The following LRRC4C variants were observed in gnomAD, a reference collection of about 807,000 sequenced individuals.
LRRC4C encodes leucine-rich repeat-containing protein 4C.
LRRC4C carries 5 observed loss-of-function variants against 33.6 expected under a neutral mutation model. That is an observed-to-expected ratio of 0.15 (90% confidence interval 0.08 to 0.31). The LOEUF (loss-of-function observed/expected upper bound fraction) is 0.31, where lower values mean the gene tolerates loss of function less well. Ranked by LOEUF, LRRC4C falls within the 10% of genes least tolerant of loss-of-function variation. The probability of loss-of-function intolerance (pLI) is 1.00; values close to 1 mark genes in which losing one functional copy is unlikely to be tolerated. For synonymous variants in LRRC4C, 329 were observed against 302.0 expected, an observed-to-expected ratio of 1.09 and a Z score of -0.93; for missense variants, 560 against 796.7, an observed-to-expected ratio of 0.70 and a Z score of 3.58.
chr11:40,637,250 T>A (rs1436140514), intron 3 of LRRC4C, among the ~76,000 whole-genome samples: 3 of 152,112 alleles, frequency 2.0e-5, no homozygotes, highest in African/African-American at 7.2e-5. Flanking sequence ...TAAAAAAAAA[T>A]TACCCCCTCC....
At chr11:40,674,575 A>G (rs2136291863) in intron 2 of LRRC4C, among the ~76,000 whole-genome samples, 1 of 152,236 alleles carries the variant, frequency 6.6e-6, no homozygotes, top group South Asian at 2.1e-4. Context: ...GCACGTGGAG[A>G]TGCTTTGTAA....
At chr11:41,377,633 T>C (rs545020356) in intron 1 of LRRC4C, among the ~76,000 whole-genome samples, 4 of 152,220 alleles carry the variant, frequency 2.6e-5, no homozygotes, top group Non-Finnish European at 5.9e-5. Flanking sequence ...AGTGTTATTA[T>C]GCAGAATTTC....
chr11:40,919,628 A>G (rs1957094743), intron 2 of LRRC4C, among the ~76,000 whole-genome samples: 5 of 152,034 alleles, frequency 3.3e-5, no homozygotes, highest in African/African-American at 1.2e-4. Flanking sequence ...AATTTGTAAG[A>G]TCTGTAAGTT....
chr11:40,845,418 T>A (rs4465359), intron 2 of LRRC4C, among the ~76,000 whole-genome samples: 1 of 152,082 alleles, frequency 6.6e-6, no homozygotes, highest in Non-Finnish European at 1.5e-5. Context: ...TGGCCAGAAC[T>A]TCCAATGCGG....
chr11:40,222,208 G>GAGTTCTAATTC (rs1864471899), intron 5 of LRRC4C, among the ~76,000 whole-genome samples: 2 of 152,124 alleles, frequency 1.3e-5, no homozygotes, highest in South Asian at 4.1e-4. Context: ...TGACACTCAG[G>GAGTTCTAATTC]AGTTCTAATT....
intron 3 of LRRC4C, among the ~76,000 whole-genome samples, chr11:40,571,488 G>T (rs963218444): frequency 2.0e-5 from 3 of 152,052 alleles, no homozygotes; most frequent in Non-Finnish European, 4.4e-5. Context: ...TATATAGCTG[G>T]ACAAGATAAG....
chr11:41,433,029 A>G (rs999696712), intron 1 of LRRC4C, among the ~76,000 whole-genome samples: 6 of 152,304 alleles, frequency 3.9e-5, no homozygotes, highest in Admixed American at 2.0e-4. Flanking sequence ...GGGATTCTAC[A>G]GAAGGTCACC....
intron 6 of LRRC4C, among the ~76,000 whole-genome samples, chr11:40,128,211 G>A (rs1856397106): frequency 6.6e-6 from 1 of 152,184 alleles, no homozygotes. Flanking sequence ...AAATGGCATA[G>A]TGTACACTGA....
chr11:40,911,792 C>A (rs1956708782), intron 2 of LRRC4C, among the ~76,000 whole-genome samples: 1 of 152,182 alleles, frequency 6.6e-6, no homozygotes, highest in Admixed American at 6.5e-5. Context: ...AAGTTAAAAA[C>A]CTTGAAAACA....
At chr11:40,897,064 T>A (rs1955981037) in intron 2 of LRRC4C, among the ~76,000 whole-genome samples, 1 of 152,206 alleles carries the variant, frequency 6.6e-6, no homozygotes, top group African/African-American at 2.4e-5. Context: ...TGTATGTTTA[T>A]AACAAAAGAG....
intron 1 of LRRC4C, among the ~76,000 whole-genome samples, chr11:41,003,717 C>T (rs1331354857): frequency 6.6e-6 from 1 of 151,396 alleles, no homozygotes; most frequent in Non-Finnish European, 1.5e-5. Context: ...ATCTGGTATG[C>T]CTTCATAAAT....
chr11:40,713,803 T>C (rs1946581575), intron 2 of LRRC4C, among the ~76,000 whole-genome samples: 1 of 152,140 alleles, frequency 6.6e-6, no homozygotes, highest in African/African-American at 2.4e-5. Context: ...GTAATTTATG[T>C]TTCACCCCAA....
At chr11:40,403,686 C>G (rs1448981091) in intron 3 of LRRC4C, among the ~76,000 whole-genome samples, 3 of 152,084 alleles carry the variant, frequency 2.0e-5, no homozygotes, top group African/African-American at 7.2e-5. Context: ...CCATATCTGA[C>G]AGTCTGAGCT....
At chr11:40,225,674 T>C (rs1437523126) in intron 5 of LRRC4C, among the ~76,000 whole-genome samples, 1 of 149,820 alleles carries the variant, frequency 6.7e-6, no homozygotes, top group Non-Finnish European at 1.5e-5. Context: ...TGGAGTGCAA[T>C]GGCACGATCT....
At chr11:40,561,979 A>G (rs1410981696) in intron 3 of LRRC4C, among the ~76,000 whole-genome samples, 2 of 152,234 alleles carry the variant, frequency 1.3e-5, no homozygotes, top group East Asian at 3.8e-4. Flanking sequence ...CAACAAACAT[A>G]GTTATTAGAT....
intron 1 of LRRC4C, among the ~76,000 whole-genome samples, chr11:41,347,323 C>T (rs548366928): frequency 6.6e-6 from 1 of 152,242 alleles, no homozygotes; most frequent in African/African-American, 2.4e-5. Flanking sequence ...TGTTCATTTG[C>T]TAAGTTAATA....
At chr11:41,261,226 A>G (rs1000562513) in intron 1 of LRRC4C, among the ~76,000 whole-genome samples, 2 of 152,134 alleles carry the variant, frequency 1.3e-5, no homozygotes, top group African/African-American at 4.8e-5. Context: ...CACCGCAGCA[A>G]CAAGGCACCA....
intron 3 of LRRC4C, among the ~76,000 whole-genome samples, chr11:40,335,058 T>C (rs1489539603): frequency 2.0e-5 from 3 of 152,202 alleles, no homozygotes; most frequent in Non-Finnish European, 4.4e-5. Flanking sequence ...AATAATATGC[T>C]TGATATTATT....
At chr11:40,329,452 G>A (rs76323864) in intron 3 of LRRC4C, among the ~76,000 whole-genome samples, 4,608 of 152,258 alleles carry the variant, frequency 0.03, 130 homozygotes, top group Non-Finnish European at 0.037. Flanking sequence ...TCTGTAGAAA[G>A]CAAACAGACT....
Sources: gnomAD v4.1 joint callset for allele counts (sites outside exome capture counted in the v4.1 genomes callset) on GRCh38, gnomAD v4.1.1 for gene constraint, MANE v1.5 for transcripts, NCBI Gene and HGNC (gene_info 2026-07-23, HGNC 2026-07-21) for gene names.